SLC7A9: variants seen among roughly 807,000 people sequenced by gnomAD.
SLC7A9 encodes solute carrier family 7 member 9, also known as B(0,+)-type amino acid transporter 1.
A neutral mutation model predicts 54.1 loss-of-function variants in SLC7A9; 38 were observed. That is an observed-to-expected ratio of 0.70 (90% CI 0.54 to 0.92). The LOEUF (loss-of-function observed/expected upper bound fraction) is 0.92. Ranked by LOEUF, SLC7A9 falls within the 40% of genes least tolerant of loss-of-function variation. SLC7A9 has a pLI of 0.00. For synonymous variants in SLC7A9, 264 were observed against 258.9 expected, an observed-to-expected ratio of 1.02 and a Z score of -0.19; for missense variants, 537 against 636.1, an observed-to-expected ratio of 0.84 and a Z score of 1.68.
At chr19:32,830,713 T>C (rs374018287) in intron 12 of SLC7A9, 29 bp from the exon 13 acceptor site, 2 of 1,582,224 alleles carry the variant, frequency 1.3e-6, no homozygotes, top group Non-Finnish European at 8.7e-7. Flanking sequence ...ATGAGTACAG[T>C]TAGTTAGACT....
intron 4 of SLC7A9, 80 bp from the exon 5 acceptor site, chr19:32,862,666 TTA>T (rs1357718087): frequency 1.5e-5 from 19 of 1,307,486 alleles, no homozygotes; most frequent in African/African-American, 1.4e-4. Context: ...TATATATTTT[TTA>T]TTTTTTTTTT....
In SLC7A9 at chr19:32,864,875, C is replaced by T. The variant is rs146897697; in HGVS notation, c.88-99G>A. 1.3e-3 allele frequency: 2,045 copies of T among 1,524,176 alleles called. 18 individuals carry two copies. In the Middle Eastern group the frequency reaches 0.014, roughly 11 times the overall value. 94.4% of individuals were successfully genotyped at this position (1,524,176 alleles called of 1,614,324 possible). A position where few individuals can be genotyped will look rare whatever the true frequency, so the allele number is the denominator to read the frequency against. ...CTCGGTACGGCCAGGGCGGCCCCAG[C>T]CAAAGCCCATGTCCCAGGCGCTTCC... On this transcript the variant is annotated intron_variant, in intron 2 of 12. Transcript: ENST00000023064.
At chr19:32,858,594 G>A (rs1968698638) in intron 8 of SLC7A9, 51 bp from the exon 9 acceptor site, 2 of 1,457,642 alleles carry the variant, frequency 1.4e-6, no homozygotes, top group Non-Finnish European at 1.9e-6. Context: ...GCCTCCAAGA[G>A]CGGCCGGCCC....
At chr19:32,862,286 A>AG (rs1234444212) in intron 5 of SLC7A9, 69 bp from the exon 6 acceptor site, 1 of 1,452,906 alleles carries the variant, frequency 6.9e-7, no homozygotes, top group Non-Finnish European at 9.7e-7. Flanking sequence ...TCCACGGGAA[A>AG]GATGGGCATG....
intron 11 of SLC7A9, among the ~76,000 whole-genome samples, chr19:32,840,261 C>G (rs1204549937): frequency 1.3e-5 from 2 of 152,158 alleles, no homozygotes; most frequent in East Asian, 3.9e-4. Context: ...CAGCCTTGAC[C>G]TCCTGGGCTC....
chr19:32,844,021 G>T, intron 9 of SLC7A9, 70 bp from the exon 10 acceptor site: 1 of 1,193,160 alleles, frequency 8.4e-7, no homozygotes, highest in Non-Finnish European at 1.2e-6. Flanking sequence ...CTGAGGACTT[G>T]TGCTCCGGGG....
At chr19:32,867,371 G>A (rs1969001573) in intron 2 of SLC7A9, among the ~76,000 whole-genome samples, 1 of 152,092 alleles carries the variant, frequency 6.6e-6, no homozygotes, top group African/African-American at 2.4e-5. Context: ...TAAAAATTTG[G>A]CAGAGCATGG....
intron 9 of SLC7A9, among the ~76,000 whole-genome samples, chr19:32,849,200 GA>G: frequency 6.6e-6 from 1 of 152,204 alleles, no homozygotes; most frequent in East Asian, 1.9e-4. Context: ...AGAACTGAAG[GA>G]AATAGAGACA....
chr19:32,847,891 TAAAG>T (rs1401703892), intron 9 of SLC7A9, among the ~76,000 whole-genome samples: 7 of 152,260 alleles, frequency 4.6e-5, no homozygotes, highest in Non-Finnish European at 7.3e-5. Context: ...TCAGCATTCT[TAAAG>T]AAAAGAATTT....
Position 32,864,304 on chromosome 19 carries a change from G to A in SLC7A9, c.270C>T (p.Ile90=), listed in dbSNP as rs1471251540. 3 of 1,613,976 alleles carry A rather than the reference G, an allele frequency of 1.9e-6. No individual in the cohort carries two copies. The African/African-American group carries it at 4.0e-5, about 22-fold the overall frequency. The change falls in exon 4 of 13, where the codon ATC becomes ATT. Residue 90 remains isoleucine, a synonymous_variant. Coordinates refer to ENST00000023064, the MANE Select transcript of SLC7A9 (RefSeq NM_014270.5). ...ALCFAELGTM[I]TKSGGEYPYL... is the part of the protein sequence containing the mutation. ...AGGGATACTCTCCCCCTGACTTGGTGATCATTGTGCCAAGCTCCGCAAAGC... is the reference window on the plus strand; with the variant it reads ...AGGGATACTCTCCCCCTGACTTGGTAATCATTGTGCCAAGCTCCGCAAAGC...
chr19:32,869,185 T>C lies in SLC7A9; in HGVS notation c.-112+501A>G, dbSNP rs533044954. 2.0e-4 allele frequency among the ~76,000 whole-genome samples: 31 copies of C among 152,060 alleles called. 4 individuals are homozygous for C. The highest frequency in any genetic ancestry group is 3.9e-4 in the Admixed American group (6 of 15,260). ...CTGCAGTGAGCCAAGATCATGCCAC[T>C]GCACTCCAGCCTGGGCCACAGAGCG... is the stretch of plus-strand genomic sequence containing the variant. On this transcript the variant is annotated intron_variant, in intron 1 of 12. Coordinates refer to ENST00000023064, the MANE Select transcript of SLC7A9 (RefSeq NM_014270.5).
intron 9 of SLC7A9, among the ~76,000 whole-genome samples, chr19:32,846,431 G>A (rs1240274988): frequency 6.6e-6 from 1 of 152,230 alleles, no homozygotes. Flanking sequence ...TAGCACAGCA[G>A]TCTGAGATCA....
intron 9 of SLC7A9, among the ~76,000 whole-genome samples, chr19:32,849,192 A>G (rs1968388627): frequency 6.6e-6 from 1 of 152,184 alleles, no homozygotes; most frequent in Admixed American, 6.5e-5. Flanking sequence ...ACCAGAGCAG[A>G]ACTGAAGGAA....
intron 9 of SLC7A9, among the ~76,000 whole-genome samples, chr19:32,847,525 A>G (rs1452045574): frequency 6.6e-6 from 1 of 152,216 alleles, no homozygotes; most frequent in African/African-American, 2.4e-5. Context: ...TCCAAGAAAT[A>G]TGGGACTATG....
intron 11 of SLC7A9, among the ~76,000 whole-genome samples, chr19:32,838,119 A>AAG (rs1568513139): frequency 1.3e-5 from 2 of 152,276 alleles, no homozygotes; most frequent in East Asian, 3.9e-4. Flanking sequence ...GTTGGTACTT[A>AAG]CTTGAGATTT....
chr19:32,865,975 A>ATG, intron 2 of SLC7A9, among the ~76,000 whole-genome samples: 1 of 143,668 alleles, frequency 7.0e-6, no homozygotes, highest in Admixed American at 7.0e-5. Context: ...AAAAAAAAAA[A>ATG]CCTGCACATT....
In SLC7A9 at chr19:32,843,992, G is replaced by C. The variant is rs1018939315; in HGVS notation, c.978-41C>G. 8 of 1,464,790 alleles carry C rather than the reference G, an allele frequency of 5.5e-6. No individual in the cohort carries two copies. In the African/African-American group the frequency reaches 1.1e-4, roughly 20 times the overall value. The allele number at this position is 1,464,790 out of a possible 1,614,324, so 90.7% of individuals were successfully genotyped here. A position where few individuals can be genotyped will look rare whatever the true frequency, so the allele number is the denominator to read the frequency against. ...ACGGGAGTCCGCTGACCAGAGTGCA[G>C]ACCATCTGTCCAGGGCCACTGAGGA... is the stretch of plus-strand genomic sequence containing the variant. On this transcript the variant is annotated intron_variant, in intron 9 of 12. Coordinates refer to ENST00000023064, the MANE Select transcript of SLC7A9 (RefSeq NM_014270.5).
chr19:32,859,534 G>C (rs1014356107), intron 8 of SLC7A9, among the ~76,000 whole-genome samples: 1 of 152,088 alleles, frequency 6.6e-6, no homozygotes, highest in African/African-American at 2.4e-5. Flanking sequence ...TTATTATTTA[G>C]GGTGGTGCAA....
intron 3 of SLC7A9, 73 bp from the exon 4 acceptor site, chr19:32,864,411 A>G: frequency 6.3e-7 from 1 of 1,599,524 alleles, no homozygotes. Context: ...CCTTCCTCCC[A>G]CCGGAGGCTG....
Sources: allele counts gnomAD v4.1 joint callset (sites outside exome capture counted in the v4.1 genomes callset), GRCh38; gene constraint gnomAD v4.1.1; transcripts MANE v1.5; gene names NCBI Gene and HGNC (gene_info 2026-07-23, HGNC 2026-07-21).